The following PDE4B variants were observed in gnomAD, a reference collection of about 807,000 sequenced individuals.
The protein encoded by PDE4B is 3',5'-cyclic-AMP phosphodiesterase 4B.
Under a neutral mutation model 82.2 loss-of-function variants are expected in PDE4B, and 20 were observed. The ratio of observed to expected loss-of-function variants is 0.24; its 90% CI spans 0.17 to 0.35. The LOEUF is 0.35. PDE4B is among the 10% of genes least tolerant of loss of function. The pLI is 1.00. For missense variants in PDE4B, 655 were observed against 907.2 expected, an observed-to-expected ratio of 0.72 and a Z score of 3.57; for synonymous variants, 320 against 318.9, an observed-to-expected ratio of 1.00 and a Z score of -0.04.
rs183431008 is a variant in PDE4B at position 65,802,223 on chromosome 1, G to T, written c.-71+8975G>T. Among the ~76,000 whole-genome samples the T allele has an allele frequency of 9.9e-4, 151 of 152,140 alleles. 1 individual carries two copies. The highest frequency in any genetic ancestry group is 3.5e-3 in the African/African-American group (147 of 41,518). On this transcript the variant is annotated intron_variant, in intron 1 of 16. Transcript: ENST00000341517. Reference sequence around the variant, plus strand: ...AGCAGGAAGATAGTTCTTAATAACCGAGGAAACTATGAAGGAATTGGGCTC... The same window carrying T: ...AGCAGGAAGATAGTTCTTAATAACCTAGGAAACTATGAAGGAATTGGGCTC...
chr1:65,879,274 A>T (rs929122472), intron 1 of PDE4B, among the ~76,000 whole-genome samples: 8 of 152,158 alleles, frequency 5.3e-5, no homozygotes, highest in African/African-American at 1.7e-4. Context: ...GAACTAACAG[A>T]TAACTACTGT....
intron 7 of PDE4B, among the ~76,000 whole-genome samples, chr1:66,288,129 T>C (rs774420642): frequency 3.3e-5 from 5 of 151,972 alleles, no homozygotes; most frequent in Non-Finnish European, 5.9e-5. Context: ...GCTTGGCTTC[T>C]GGGGATACCT....
chr1:65,954,245 C>T (rs1649145353), intron 3 of PDE4B, among the ~76,000 whole-genome samples: 1 of 151,956 alleles, frequency 6.6e-6, no homozygotes, highest in Non-Finnish European at 1.5e-5. Flanking sequence ...TCCTGTATTT[C>T]AGCACAATCA....
chr1:66,122,788 C>T (rs960031980), intron 3 of PDE4B, among the ~76,000 whole-genome samples: 4 of 150,046 alleles, frequency 2.7e-5, no homozygotes, highest in African/African-American at 9.8e-5. Flanking sequence ...TCACTGCAAC[C>T]TCTGCTTCCC....
In PDE4B at chr1:66,367,985, G is replaced by A. The variant is rs1270464321; in HGVS notation, c.1582G>A (p.Asp528Asn). The A allele has an allele frequency of 1.2e-5, 19 of 1,613,734 alleles. No individual in the cohort carries two copies. The highest frequency in any genetic ancestry group is 1.6e-5 in the Non-Finnish European group (19 of 1,179,828). ...DMSKHMSLLA[D>N]LKTMVETKKV... ...GTCTAAACATATGAGCCTGCTGGCA[G>A]ACCTGAAGACAATGGTAGAAACGAA... is the stretch of plus-strand genomic sequence containing the variant. The change falls in exon 15 of 17, where the codon GAC becomes AAC. Residue 528 changes from aspartate to asparagine, a missense_variant. This residue lies in a region of PDE4B where 283 missense variants were observed against 516.4 expected (regional missense o/e 0.55). Coordinates refer to ENST00000341517, the MANE Select transcript of PDE4B (RefSeq NM_002600.4).
chr1:65,876,429 A>G (rs921354632), intron 1 of PDE4B, among the ~76,000 whole-genome samples: 1 of 152,026 alleles, frequency 6.6e-6, no homozygotes, highest in African/African-American at 2.4e-5. Flanking sequence ...ATATATATAC[A>G]TATTACATGT....
intron 7 of PDE4B, among the ~76,000 whole-genome samples, chr1:66,312,472 C>T (rs559674756): frequency 1.7e-4 from 26 of 152,338 alleles, no homozygotes; most frequent in African/African-American, 5.8e-4. Flanking sequence ...AGACCTTTCT[C>T]ACCTTCCGTC....
intron 8 of PDE4B, among the ~76,000 whole-genome samples, chr1:66,338,377 CATT>C (rs35783536): frequency 0.68 from 103,565 of 151,708 alleles, 36,043 homozygotes; most frequent in East Asian, 0.89. Context: ...CTGTGGCAAG[CATT>C]ATTAGTGAGG....
At chr1:65,837,174 T>G (rs1166165448) in intron 1 of PDE4B, among the ~76,000 whole-genome samples, 1 of 152,150 alleles carries the variant, frequency 6.6e-6, no homozygotes, top group Admixed American at 6.6e-5. Flanking sequence ...CATTTTTCTA[T>G]ATATACTGCC....
At chr1:65,953,858 G>A (rs1649124954) in intron 3 of PDE4B, among the ~76,000 whole-genome samples, 2 of 151,836 alleles carry the variant, frequency 1.3e-5, no homozygotes, top group South Asian at 2.1e-4. Flanking sequence ...TAATATTTGG[G>A]TGAATAATAA....
intron 3 of PDE4B, among the ~76,000 whole-genome samples, chr1:66,087,801 A>G (rs950624931): frequency 1.4e-5 from 2 of 143,870 alleles, no homozygotes; most frequent in African/African-American, 2.6e-5. Context: ...TCTCACTCAA[A>G]GGTGGGAATT....
intron 3 of PDE4B, among the ~76,000 whole-genome samples, chr1:66,051,561 A>T (rs934170386): frequency 6.6e-6 from 1 of 152,172 alleles, no homozygotes; most frequent in Non-Finnish European, 1.5e-5. Context: ...TCATGTTTGA[A>T]GACTGTGAAC....
chr1:66,006,391 G>C (rs1652151980), intron 3 of PDE4B, among the ~76,000 whole-genome samples: 1 of 152,126 alleles, frequency 6.6e-6, no homozygotes, highest in South Asian at 2.1e-4. Context: ...TCTGGGTAAG[G>C]AGAGTATATA....
chr1:66,237,375 C>A (rs1189775288), intron 3 of PDE4B, among the ~76,000 whole-genome samples: 1 of 152,092 alleles, frequency 6.6e-6, no homozygotes, highest in African/African-American at 2.4e-5. Context: ...ACGTCTCTAC[C>A]TCCACCAAAA....
intron 3 of PDE4B, among the ~76,000 whole-genome samples, chr1:65,944,882 T>G (rs1648627174): frequency 6.6e-6 from 1 of 151,782 alleles, no homozygotes; most frequent in African/African-American, 2.4e-5. Context: ...AATATACCAC[T>G]CAAAGCTATA....
At chr1:66,094,370 CAAG>C (rs1354756299) in intron 3 of PDE4B, 3 of 152,010 alleles carry the variant, frequency 2.0e-5, no homozygotes, top group Admixed American at 6.6e-5. Context: ...ACCATTTAGT[CAAG>C]GAGCTATGCA....
chr1:66,200,993 A>G (rs1263111535), intron 3 of PDE4B, among the ~76,000 whole-genome samples: 2 of 152,222 alleles, frequency 1.3e-5, no homozygotes, highest in Non-Finnish European at 1.5e-5. Flanking sequence ...TGTCATAGAT[A>G]GCTCTTATTA....
chr1:66,233,596 C>T (rs1210869007), intron 3 of PDE4B, among the ~76,000 whole-genome samples: 1 of 152,104 alleles, frequency 6.6e-6, no homozygotes, highest in Non-Finnish European at 1.5e-5. Flanking sequence ...GTACCTGGTT[C>T]CTAATTTTAT....
intron 3 of PDE4B, among the ~76,000 whole-genome samples, chr1:66,238,894 CAG>C (rs1652668855): frequency 6.6e-6 from 1 of 152,148 alleles, no homozygotes; most frequent in African/African-American, 2.4e-5. Flanking sequence ...AATATACAAA[CAG>C]AAGCTAAATG....
Sources: gnomAD v4.1 joint callset for allele counts (sites outside exome capture counted in the v4.1 genomes callset) on GRCh38, gnomAD v4.1.1 for gene constraint, gnomAD v4.1.1 regional missense constraint, MANE v1.5 for transcripts, NCBI Gene and HGNC (gene_info 2026-07-23, HGNC 2026-07-21) for gene names.